The following F2R variants were observed in gnomAD, a reference collection of about 807,000 sequenced individuals.
F2R encodes coagulation factor II thrombin receptor, also known as proteinase-activated receptor 1.
F2R carries 12 observed loss-of-function variants against 18.3 expected under a neutral mutation model. That is an observed-to-expected ratio of 0.66 (90% CI 0.42 to 1.06). The LOEUF (loss-of-function observed/expected upper bound fraction) is 1.06, where lower values mean the gene tolerates loss of function less well. Among genes scored for constraint, F2R ranks in the 50% least tolerant of loss-of-function variants. The probability of loss-of-function intolerance (pLI) is 0.00; values close to 1 mark genes in which losing one functional copy is unlikely to be tolerated. For missense variants in F2R, 438 were observed against 530.8 expected, an observed-to-expected ratio of 0.83 and a Z score of 1.72; for synonymous variants, 210 against 219.9, an observed-to-expected ratio of 0.95 and a Z score of 0.40.
At position 76,733,488 on chromosome 5, in the gene F2R, A is replaced by T; in HGVS notation, c.1263A>T (p.Lys421Asn). Residue 421 changes from lysine (K) to asparagine (N), a missense_variant, in exon 2 of 2, where the codon AAA (lysine) becomes AAT (asparagine). By Grantham distance (94) the Lys-to-Asn change is moderately conservative. Coordinates refer to ENST00000319211, the MANE Select transcript of F2R (RefSeq NM_001992.5). Reference protein sequence around the residue: ...CSSNLNNSIYKKLLT With the variant: ...CSSNLNNSIYNKLLT ...GTAACCTGAATAACAGCATATACAA[A>T]AAGCTGTTAACTTAGGAAAAGGGAC... is the stretch of plus-strand genomic sequence containing the variant. 6.2e-7 allele frequency: 1 copy of T among 1,608,946 alleles called. No individual in the cohort carries two copies. Among genetic ancestry groups the T allele is most frequent in the South Asian group, 1.1e-5 (1 of 89,918 alleles).
rs2150584621 is a variant in F2R, at chr5:76,734,714, T to C, written c.*1211T>C. ...AGTAGATCATGCATAGAGTGTGATG[T>C]ATGTGTAATAAATATGTTTCACACA... On this transcript the variant is annotated 3_prime_UTR_variant, in exon 2 of 2. Coordinates refer to ENST00000319211, the MANE Select transcript of F2R (RefSeq NM_001992.5). 6.6e-6 allele frequency: 1 copy of C among 152,514 alleles called. No individual in the cohort carries two copies. The highest frequency in any genetic ancestry group is 1.5e-5 in the Non-Finnish European group (1 of 68,036). 9.4% of individuals were successfully genotyped at this position (152,514 alleles called of 1,614,324 possible). A position where few individuals can be genotyped will look rare whatever the true frequency, so the allele number is the denominator to read the frequency against.
chr5:76,724,599 T>C (rs1479693286), intron 1 of F2R, among the ~76,000 whole-genome samples: 1 of 150,882 alleles, frequency 6.6e-6, no homozygotes, highest in Non-Finnish European at 1.5e-5. Flanking sequence ...GCCATCTGTC[T>C]TTTCTACATA....
intron 1 of F2R, among the ~76,000 whole-genome samples, chr5:76,728,935 C>G (rs907696295): frequency 6.6e-6 from 1 of 152,178 alleles, no homozygotes; most frequent in Non-Finnish European, 1.5e-5. Context: ...AGGTGATCCA[C>G]CCACCTTGGC....
At chr5:76,725,528 A>C (rs889640108) in intron 1 of F2R, among the ~76,000 whole-genome samples, 2 of 152,142 alleles carry the variant, frequency 1.3e-5, no homozygotes, top group Non-Finnish European at 2.9e-5. Flanking sequence ...GAGATACTTA[A>C]ACTCAAATTT....
chr5:76,719,318 G>A (rs1266638004), intron 1 of F2R, among the ~76,000 whole-genome samples: 11 of 152,156 alleles, frequency 7.2e-5, no homozygotes, highest in Non-Finnish European at 1.2e-4. Flanking sequence ...GACTGGGTGC[G>A]GTGGCTCATG....
In F2R at chr5:76,716,135, A is replaced by C; in HGVS notation, c.-173A>C. On this transcript the variant is annotated 5_prime_UTR_variant, in exon 1 of 2. Transcript: ENST00000319211. Reference sequence around the variant, plus strand: ...CCCGCCCCGCCCCGCTAACCGCCCCAGACACAGCGCTCGCCGAGGGTCGCT... The same window carrying C: ...CCCGCCCCGCCCCGCTAACCGCCCCCGACACAGCGCTCGCCGAGGGTCGCT... 2.4e-6 allele frequency: 1 copy of C among 408,740 alleles called. No homozygotes were observed. 25.3% of individuals were successfully genotyped at this position (408,740 alleles called of 1,614,324 possible).
chr5:76,719,311 T>A (rs1748403537), intron 1 of F2R, among the ~76,000 whole-genome samples: 2 of 152,212 alleles, frequency 1.3e-5, no homozygotes. Context: ...GAATTGGGAC[T>A]GGGTGCGGTG....
At chr5:76,721,854 C>T (rs1425885222) in intron 1 of F2R, among the ~76,000 whole-genome samples, 1 of 150,340 alleles carries the variant, frequency 6.7e-6, no homozygotes, top group Non-Finnish European at 1.5e-5. Context: ...CTCACCTTTA[C>T]TGCATTGTAT....
At chr5:76,720,225 TG>T (rs1465699759) in intron 1 of F2R, among the ~76,000 whole-genome samples, 2 of 152,062 alleles carry the variant, frequency 1.3e-5, no homozygotes, top group Non-Finnish European at 2.9e-5. Context: ...CTAGGCCAGA[TG>T]ATCGCTTGAG....
At chr5:76,725,919 T>C (rs1266394798) in intron 1 of F2R, among the ~76,000 whole-genome samples, 1 of 152,226 alleles carries the variant, frequency 6.6e-6, no homozygotes, top group Non-Finnish European at 1.5e-5. Context: ...GACTAAGTGA[T>C]AGTATCTGAA....
At chr5:76,724,800 A>G (rs377494368) in intron 1 of F2R, among the ~76,000 whole-genome samples, 6 of 152,200 alleles carry the variant, frequency 3.9e-5, no homozygotes, top group South Asian at 4.1e-4. Context: ...AAGATGTTCA[A>G]TGTTCATCTT....
At chr5:76,723,397 C>G (rs1201065523) in intron 1 of F2R, among the ~76,000 whole-genome samples, 1 of 152,224 alleles carries the variant, frequency 6.6e-6, no homozygotes, top group Non-Finnish European at 1.5e-5. Context: ...GGTTCAAACC[C>G]TGGCTCCTCT....
At chr5:76,723,659 C>A (rs989237242) in intron 1 of F2R, among the ~76,000 whole-genome samples, 3 of 152,178 alleles carry the variant, frequency 2.0e-5, no homozygotes, top group African/African-American at 7.2e-5. Context: ...ATAAGACAAT[C>A]TTCACACAAG....
chr5:76,732,448 A>G lies in F2R; in HGVS notation c.223A>G (p.Asn75Asp). 1 of 1,614,190 alleles carries G rather than the reference A, an allele frequency of 6.2e-7. No individual in the cohort carries two copies. Among genetic ancestry groups the G allele is most frequent in the Non-Finnish European group, 8.5e-7 (1 of 1,180,046 alleles). ...GLTEYRLVSI[N>D]KSSPLQKQLP... ...AACTGAATACAGATTAGTCTCCATCAATAAAAGCAGTCCTCTTCAAAAACA... is the reference window on the plus strand; with the variant it reads ...AACTGAATACAGATTAGTCTCCATCGATAAAAGCAGTCCTCTTCAAAAACA... Residue 75 changes from asparagine (N) to aspartate (D), a missense_variant, in exon 2 of 2, where the codon AAT (asparagine) becomes GAT (aspartate). By Grantham distance (23) the Asn-to-Asp change is conservative. Coordinates refer to ENST00000319211, the MANE Select transcript of F2R (RefSeq NM_001992.5).
chr5:76,716,284 C>G lies in F2R; in HGVS notation c.-24C>G. 7.4e-7 allele frequency: 1 copy of G among 1,351,562 alleles called. No homozygotes were observed. Among genetic ancestry groups the G allele is most frequent in the Non-Finnish European group, 9.5e-7 (1 of 1,057,900 alleles). 83.7% of individuals were successfully genotyped at this position (1,351,562 alleles called of 1,614,324 possible). The stretch of plus-strand genomic sequence containing the variant: ...CCCGAGGCGGGGCAGCCTCCCGGAG[C>G]AGCGCCGCGCAGAGCCCGGGACAAT... On this transcript the variant is annotated 5_prime_UTR_variant, in exon 1 of 2. Coordinates refer to ENST00000319211, the MANE Select transcript of F2R (RefSeq NM_001992.5).
intron 1 of F2R, among the ~76,000 whole-genome samples, chr5:76,729,516 C>G (rs577808655): frequency 6.6e-6 from 1 of 152,062 alleles, no homozygotes; most frequent in Non-Finnish European, 1.5e-5. Context: ...TGATACAGTC[C>G]CAGTTGTCTA....
At chr5:76,716,666 GC>G in intron 1 of F2R, 2 of 746,794 alleles carry the variant, frequency 2.7e-6, no homozygotes, top group Admixed American at 1.8e-5. Context: ...TGGAGCGGAA[GC>G]CCCCTGGGGG....
intron 1 of F2R, among the ~76,000 whole-genome samples, chr5:76,717,005 G>A (rs1329417238): frequency 6.6e-6 from 1 of 152,152 alleles, no homozygotes; most frequent in African/African-American, 2.4e-5. Flanking sequence ...GTGGTGGCGG[G>A]GGAGGGGACA....
At chr5:76,726,727 G>A (rs1425034404) in intron 1 of F2R, among the ~76,000 whole-genome samples, 1 of 152,042 alleles carries the variant, frequency 6.6e-6, no homozygotes, top group Non-Finnish European at 1.5e-5. Flanking sequence ...CTCTAGATCA[G>A]CATTTTTGCA....
Sources: gnomAD v4.1 joint callset for allele counts (sites outside exome capture counted in the v4.1 genomes callset) on GRCh38, gnomAD v4.1.1 for gene constraint, MANE v1.5 for transcripts, NCBI Gene and HGNC (gene_info 2026-07-23, HGNC 2026-07-21) for gene names.